The following NANOS3 variants were observed in gnomAD, a reference collection of about 807,000 sequenced individuals.
NANOS3 encodes nanos C2HC-type zinc finger 3, also known as nanos homolog 3.
In NANOS3, 11 loss-of-function variants were observed where a neutral mutation model predicts 13.8. That is an observed-to-expected ratio of 0.80 (90% CI 0.50 to 1.32). NANOS3 has a LOEUF of 1.32. Among genes scored for constraint, NANOS3 ranks in the 40% most tolerant of loss-of-function variants. The pLI is 0.00. For synonymous variants in NANOS3, 119 were observed against 115.4 expected, an observed-to-expected ratio of 1.03 and a Z score of -0.20; for missense variants, 221 against 263.8, an observed-to-expected ratio of 0.84 and a Z score of 1.12.
chr19:13,871,971 C>G (rs1568363384), intron 1 of NANOS3, among the ~76,000 whole-genome samples: 2 of 152,088 alleles, frequency 1.3e-5, no homozygotes, highest in Admixed American at 1.3e-4. Context: ...TGCACTCCAG[C>G]CTGGGCAACA....
At chr19:13,869,279 G>A (rs975527931) in intron 1 of NANOS3, among the ~76,000 whole-genome samples, 2 of 152,112 alleles carry the variant, frequency 1.3e-5, no homozygotes, top group African/African-American at 4.8e-5. Context: ...CTCCCAAAGC[G>A]TTGGGACTAC....
At chr19:13,879,886 C>T (rs1218334495) in intron 1 of NANOS3, among the ~76,000 whole-genome samples, 2 of 152,090 alleles carry the variant, frequency 1.3e-5, no homozygotes, top group Non-Finnish European at 2.9e-5. Context: ...ATTAACTGGG[C>T]ATGGTGGCAT....
chr19:13,872,022 A>G (rs1976335371), intron 1 of NANOS3, among the ~76,000 whole-genome samples: 1 of 151,612 alleles, frequency 6.6e-6, no homozygotes, highest in African/African-American at 2.4e-5. Context: ...ACAAAACAAC[A>G]ACAGCAACAA....
At chr19:13,872,401 G>A (rs966124242), upstream of NANOS3, among the ~76,000 whole-genome samples, 1 of 151,298 alleles carries the variant, frequency 6.6e-6, no homozygotes, top group Non-Finnish European at 1.5e-5. Context: ...GTGTTTTCCA[G>A]GCTAGTCTCA....
rs1286391250 is a variant in NANOS3 at position 13,877,606 on chromosome 19, G to A, written c.358G>A (p.Glu120Lys). The change falls in exon 1 of 2, where the codon GAG (glutamate) becomes AAG (lysine). Residue 120 changes from glutamate to lysine, a missense_variant. This residue lies in a region of NANOS3 where 49 missense variants were observed against 91.0 expected (regional missense o/e 0.54). Coordinates refer to ENST00000339133, the MANE Select transcript of NANOS3 (RefSeq NM_001098622.3). ...GTGTCCCCAGTGCGGCGCCACACGT[G>A]AGCGCGCCCACACCCGACGCTTCTG... The part of the protein sequence containing the change: ...YVCPQCGATR[E>K]RAHTRRFCPL... 12 of 1,612,066 alleles carry A rather than the reference G, an allele frequency of 7.4e-6. No homozygotes were observed. Among genetic ancestry groups the A allele is most frequent in the Non-Finnish European group, 9.3e-6 (11 of 1,180,002 alleles).
chr19:13,863,470 G>A (rs1371642975), upstream of NANOS3, among the ~76,000 whole-genome samples: 1 of 151,940 alleles, frequency 6.6e-6, no homozygotes, highest in Non-Finnish European at 1.5e-5. Flanking sequence ...CTCCTGCCTC[G>A]GCCTCCCAAA....
chr19:13,879,265 C>A (rs954408998), intron 1 of NANOS3, among the ~76,000 whole-genome samples: 2 of 152,026 alleles, frequency 1.3e-5, no homozygotes, highest in Non-Finnish European at 2.9e-5. Context: ...AAGAGAAACT[C>A]GTTCTAGCAA....
chr19:13,872,884 G>A (rs1373049639), upstream of NANOS3, among the ~76,000 whole-genome samples: 1 of 152,190 alleles, frequency 6.6e-6, no homozygotes, highest in Non-Finnish European at 1.5e-5. Flanking sequence ...GGGCTCTGGG[G>A]AAAGGGCTCT....
chr19:13,873,977 G>A (rs893765542), upstream of NANOS3, among the ~76,000 whole-genome samples: 3 of 152,280 alleles, frequency 2.0e-5, no homozygotes, highest in East Asian at 5.8e-4. Flanking sequence ...TGAGGGATGA[G>A]GAAATGGAGA....
At chr19:13,873,325 C>A (rs1303317890), upstream of NANOS3, among the ~76,000 whole-genome samples, 1 of 149,210 alleles carries the variant, frequency 6.7e-6, no homozygotes, top group Non-Finnish European at 1.5e-5. Flanking sequence ...GGCCGGGTTC[C>A]GTTGCCACCA....
intron 1 of NANOS3, among the ~76,000 whole-genome samples, chr19:13,867,305 CACGATCTAGGCTCACT>C (rs1339471708): frequency 2.0e-5 from 3 of 151,968 alleles, no homozygotes; most frequent in African/African-American, 7.2e-5. Flanking sequence ...AGTGCAGTGG[CACGATCTAGGCTCACT>C]GCAATCTAGG....
At chr19:13,874,191 A>T (rs1968460401), upstream of NANOS3, among the ~76,000 whole-genome samples, 1 of 152,020 alleles carries the variant, frequency 6.6e-6, no homozygotes, top group African/African-American at 2.4e-5. Context: ...CCCCACCCCC[A>T]AGCGCTCCAC....
chr19:13,878,058 G>A (rs1968555212), intron 1 of NANOS3, among the ~76,000 whole-genome samples: 1 of 151,264 alleles, frequency 6.6e-6, no homozygotes, highest in Non-Finnish European at 1.5e-5. Context: ...ATAGGCGCGC[G>A]CCACCACACC....
rs1456913542 is a variant in NANOS3 at position 13,877,520 on chromosome 19, A to C, written c.272A>C (p.Gln91Pro). ...KHNGESRAIY[Q>P]SHVLKDEAGR... ...AACGGCGAGTCCCGGGCCATCTACCAGTCCCACGTGCTGAAGGACGAGGCT... is the reference window on the plus strand; with the variant it reads ...AACGGCGAGTCCCGGGCCATCTACCCGTCCCACGTGCTGAAGGACGAGGCT... Residue 91 changes from glutamine (Q) to proline (P), a missense_variant, in exon 1 of 2, where the codon CAG becomes CCG. Gln to Pro is a moderately conservative substitution (Grantham distance 76). Transcript: ENST00000339133. 6.2e-7 allele frequency: 1 copy of C among 1,612,144 alleles called. No individual in the cohort carries two copies. The highest frequency in any genetic ancestry group is 8.5e-7 in the Non-Finnish European group (1 of 1,179,990).
chr19:13,866,951 C>T (rs1249876580), intron 1 of NANOS3, among the ~76,000 whole-genome samples: 1 of 152,068 alleles, frequency 6.6e-6, no homozygotes, highest in Non-Finnish European at 1.5e-5. Context: ...CACACATAAT[C>T]TTTTTTATTT....
chr19:13,874,473 G>T (rs1274329025), upstream of NANOS3, among the ~76,000 whole-genome samples: 1 of 152,172 alleles, frequency 6.6e-6, no homozygotes, highest in East Asian at 1.9e-4. Flanking sequence ...GCGGGCTTGA[G>T]GCCAGCACTC....
upstream of NANOS3, among the ~76,000 whole-genome samples, chr19:13,876,180 C>G (rs1392151407): frequency 6.6e-6 from 1 of 152,128 alleles, no homozygotes; most frequent in Non-Finnish European, 1.5e-5. Context: ...ACTCTGTTTC[C>G]CAGGCTGGAG....
rs1968619142 is a variant in NANOS3 at position 13,880,615 on chromosome 19, C to G, written c.*112C>G. On this transcript the variant is annotated 3_prime_UTR_variant, in exon 2 of 2. Coordinates refer to ENST00000339133, the MANE Select transcript of NANOS3 (RefSeq NM_001098622.3). ...ACCCTCCCCCCAGCCTGGGATTGAG[C>G]CCTGGGGATGACCCGGGGTTGGCAA... 2.2e-6 allele frequency: 2 copies of G among 906,740 alleles called. No individual in the cohort carries two copies. Among genetic ancestry groups the G allele is most frequent in the African/African-American group, 3.3e-5 (2 of 60,798 alleles). 56.2% of individuals were successfully genotyped at this position (906,740 alleles called of 1,614,324 possible). A position where few individuals can be genotyped will look rare whatever the true frequency, so the allele number is the denominator to read the frequency against.
upstream of NANOS3, among the ~76,000 whole-genome samples, chr19:13,864,020 G>C (rs890589951): frequency 3.3e-5 from 5 of 152,108 alleles, 1 homozygote; most frequent in South Asian, 1.0e-3. Flanking sequence ...TGGGGTGGGG[G>C]ATAAATAAAC....
Sources: gnomAD v4.1 joint callset for allele counts (sites outside exome capture counted in the v4.1 genomes callset) on GRCh38, gnomAD v4.1.1 for gene constraint, gnomAD v4.1.1 regional missense constraint, MANE v1.5 for transcripts, NCBI Gene and HGNC (gene_info 2026-07-23, HGNC 2026-07-21) for gene names.